The following TSPAN33 variants were observed in gnomAD, a reference collection of about 807,000 sequenced individuals.
The protein encoded by TSPAN33 is tetraspanin-33.
In TSPAN33, 27 loss-of-function variants were observed where a neutral mutation model predicts 34.8. The ratio of observed to expected loss-of-function variants is 0.78; its 90% CI spans 0.57 to 1.07. The LOEUF (loss-of-function observed/expected upper bound fraction) is 1.07, where lower values mean the gene tolerates loss of function less well. TSPAN33 is among the 50% of genes least tolerant of loss of function. The pLI is 0.00. For missense variants in TSPAN33, 272 were observed against 324.9 expected, an observed-to-expected ratio of 0.84 and a Z score of 1.25; for synonymous variants, 119 against 124.2, an observed-to-expected ratio of 0.96 and a Z score of 0.28.
chr7:129,150,541 G>A (rs1057027316), intron 1 of TSPAN33, among the ~76,000 whole-genome samples: 51 of 152,328 alleles, frequency 3.3e-4, no homozygotes, highest in African/African-American at 1.2e-3. Context: ...AGGCTTTGGG[G>A]ACATCCAGAC....
At chr7:129,163,074 T>G (rs1377288033) in intron 4 of TSPAN33, among the ~76,000 whole-genome samples, 167 bp downstream of exon 4, 2 of 152,218 alleles carry the variant, frequency 1.3e-5, no homozygotes, top group Non-Finnish European at 2.9e-5. Flanking sequence ...CTCATCATAT[T>G]TGAAGAGAAT....
intron 4 of TSPAN33, among the ~76,000 whole-genome samples, chr7:129,164,146 C>G (rs566113874): frequency 6.6e-6 from 1 of 151,932 alleles, no homozygotes. Context: ...CTACTTTCTG[C>G]TAAAAAAATT....
At chr7:129,163,165 A>C (rs1167337409) in intron 4 of TSPAN33, among the ~76,000 whole-genome samples, 1 of 152,256 alleles carries the variant, frequency 6.6e-6, no homozygotes, top group Admixed American at 6.5e-5. Context: ...AGTTAAAATA[A>C]CTTAGAAACT....
At chr7:129,150,398 G>C (rs969089132) in intron 1 of TSPAN33, among the ~76,000 whole-genome samples, 3 of 152,190 alleles carry the variant, frequency 2.0e-5, no homozygotes, top group African/African-American at 4.8e-5. Context: ...CCCATTTGGA[G>C]ATTATCAGCT....
rs1448363382 is a variant in TSPAN33, at chr7:129,168,352, T to C, written c.*478T>C. The C allele has an allele frequency of 6.1e-6, 1 of 165,188 alleles. No individual in the cohort carries two copies. The highest frequency in any genetic ancestry group is 2.4e-5 in the African/African-American group (1 of 41,630). The allele number at this position is 165,188 out of a possible 1,614,324, so 10.2% of individuals were successfully genotyped here. A position where few individuals can be genotyped will look rare whatever the true frequency, so the allele number is the denominator to read the frequency against. ...ATACCAGCTCCAGAAGGGAAGGGAG[T>C]GGAGCAGGCAGTGAGGAGAGAGCCT... On this transcript the variant is annotated 3_prime_UTR_variant, in exon 8 of 8. Transcript: ENST00000486685.
chr7:129,161,108 C>T (rs2150626165), intron 1 of TSPAN33, among the ~76,000 whole-genome samples: 1 of 152,352 alleles, frequency 6.6e-6, no homozygotes, highest in East Asian at 1.9e-4. Context: ...GGGCCTCACT[C>T]TGGCACCCAG....
intron 1 of TSPAN33, among the ~76,000 whole-genome samples, chr7:129,152,974 C>T (rs1810616726): frequency 7.0e-6 from 1 of 142,512 alleles, no homozygotes; most frequent in South Asian, 2.3e-4. Flanking sequence ...AGGAGAATGG[C>T]TTGAACCCGG....
chr7:129,146,545 G>C (rs981079240), intron 1 of TSPAN33, among the ~76,000 whole-genome samples: 2 of 152,188 alleles, frequency 1.3e-5, no homozygotes, highest in African/African-American at 4.8e-5. Context: ...GCTGGGGGAA[G>C]TCCTCAGCAC....
chr7:129,149,642 G>T (rs1810566627), intron 1 of TSPAN33, among the ~76,000 whole-genome samples: 1 of 151,484 alleles, frequency 6.6e-6, no homozygotes, highest in South Asian at 2.1e-4. Flanking sequence ...CTTTGAGTTT[G>T]AATGGTTATT....
At chr7:129,147,645 T>G (rs539601004) in intron 1 of TSPAN33, among the ~76,000 whole-genome samples, 1 of 152,196 alleles carries the variant, frequency 6.6e-6, no homozygotes, top group African/African-American at 2.4e-5. Flanking sequence ...ATGGATGAGA[T>G]GATGGTCAGC....
At position 129,167,371 on chromosome 7, in the gene TSPAN33, C is replaced by G; in HGVS notation, c.589-28C>G. On this transcript the variant is annotated intron_variant, in intron 6 of 7. Coordinates refer to ENST00000486685, the MANE Select transcript of TSPAN33 (RefSeq NM_178562.5). The surrounding 1 kb of genome is among the most constrained non-coding windows in gnomAD (Gnocchi z 4.6). ...ACAAAAAGTTATTGGAATTACAGTC[C>G]CAATTGGCTTTTCAACTCTTTCCCC... is the stretch of plus-strand genomic sequence containing the variant. The G allele has an allele frequency of 6.3e-7, 1 of 1,596,860 alleles. No individual in the cohort carries two copies. The highest frequency in any genetic ancestry group is 1.3e-5 in the African/African-American group (1 of 74,632).
chr7:129,150,397 A>G (rs1810576956), intron 1 of TSPAN33, among the ~76,000 whole-genome samples: 1 of 152,092 alleles, frequency 6.6e-6, no homozygotes, highest in Non-Finnish European at 1.5e-5. Flanking sequence ...GCCCATTTGG[A>G]GATTATCAGC....
intron 5 of TSPAN33, 112 bp from the exon 6 acceptor site, chr7:129,166,666 C>G: frequency 7.2e-7 from 1 of 1,391,572 alleles, no homozygotes. Context: ...AAAACACAAC[C>G]TAAAGTTCCC....
At position 129,167,699 on chromosome 7, in the gene TSPAN33, C is replaced by T; in HGVS notation, c.751-74C>T. 6.3e-7 allele frequency: 1 copy of T among 1,578,342 alleles called. No homozygotes were observed. The highest frequency in any genetic ancestry group is 1.1e-5 in the South Asian group (1 of 89,554). ...AGGGAAAGGGATAGTGCTGGCCGCA[C>T]TGGGAAGATCGAGCCAGGGAAAACA... On this transcript the variant is annotated intron_variant, in intron 7 of 7. Transcript: ENST00000486685. The surrounding 1 kb of genome is among the most constrained non-coding windows in gnomAD (Gnocchi z 4.6).
chr7:129,150,820 A>G (rs998727290), intron 1 of TSPAN33, among the ~76,000 whole-genome samples: 1 of 151,998 alleles, frequency 6.6e-6, no homozygotes, highest in Non-Finnish European at 1.5e-5. Flanking sequence ...AGGGAGGAGG[A>G]AAGAGAGTGG....
In TSPAN33 at chr7:129,162,497, C is replaced by T. The variant is rs142963022; in HGVS notation, c.264C>T (p.Arg88=). Residue 88 remains arginine, a synonymous_variant, in exon 3 of 8, where the codon CGC becomes CGT. Transcript: ENST00000486685. Reference sequence around the variant, plus strand: ...TCTGTGGCTGCATTGGGTCCCTCCGCGAGAACATCTGCCTCCTGCAGACGG... The same window carrying T: ...TCTGTGGCTGCATTGGGTCCCTCCGTGAGAACATCTGCCTCCTGCAGACGG... ...LTFCGCIGSL[R]ENICLLQTFS... is the part of the protein sequence containing the mutation. The T allele has an allele frequency of 4.6e-5, 74 of 1,613,474 alleles. No homozygotes were observed. Among genetic ancestry groups the T allele is most frequent in the East Asian group, 1.3e-4 (6 of 44,886 alleles).
chr7:129,163,737 G>A (rs1793089989), intron 4 of TSPAN33, among the ~76,000 whole-genome samples: 2 of 152,044 alleles, frequency 1.3e-5, no homozygotes, highest in Admixed American at 6.6e-5. Flanking sequence ...AGGCTGAGGC[G>A]GGCAGATCAC....
chr7:129,157,811 A>T (rs1792974927), intron 1 of TSPAN33, among the ~76,000 whole-genome samples: 1 of 152,218 alleles, frequency 6.6e-6, no homozygotes, highest in African/African-American at 2.4e-5. Flanking sequence ...TCAGTGTACC[A>T]TCTGCATAGC....
chr7:129,154,251 G>T (rs908200251), intron 1 of TSPAN33, among the ~76,000 whole-genome samples: 2 of 152,110 alleles, frequency 1.3e-5, no homozygotes, highest in African/African-American at 4.8e-5. Flanking sequence ...GAGCCCAAGA[G>T]GTTGAGGCTG....
Sources: gnomAD v4.1 joint callset for allele counts (sites outside exome capture counted in the v4.1 genomes callset) on GRCh38, gnomAD v4.1.1 for gene constraint, Gnocchi (gnomAD v3.1) non-coding constraint, MANE v1.5 for transcripts, NCBI Gene and HGNC (gene_info 2026-07-23, HGNC 2026-07-21) for gene names.